KCTD8: variants seen among roughly 807,000 people sequenced by gnomAD.
The protein encoded by KCTD8 is potassium channel tetramerization domain containing 8, also known as BTB/POZ domain-containing protein KCTD8.
KCTD8 carries 27 observed loss-of-function variants against 31.5 expected under a neutral mutation model. That is an observed-to-expected ratio of 0.86 (90% confidence interval 0.63 to 1.18). The LOEUF (loss-of-function observed/expected upper bound fraction) is 1.18, where lower values mean the gene tolerates loss of function less well. Ranked by LOEUF, KCTD8 falls within the 50% of genes most tolerant of loss-of-function variation. The pLI is 0.00. For synonymous variants in KCTD8, 290 were observed against 280.0 expected (o/e 1.04, Z -0.36); for missense variants, 658 against 647.7 (o/e 1.02, Z -0.17).
rs565771737 is a variant in KCTD8 at position 44,232,415 on chromosome 4, C to G, written c.962-57165G>C. Among the ~76,000 whole-genome samples the G allele has an allele frequency of 3.0e-4, 46 of 152,244 alleles. No homozygotes were observed. The East Asian group carries it at 8.3e-3, about 27-fold the overall frequency. On this transcript the variant is annotated intron_variant, in intron 1 of 1. Coordinates refer to ENST00000360029, the MANE Select transcript of KCTD8 (RefSeq NM_198353.3). ...ACTCACTCTTCTGTCCTCTCTTTCCCTAATACCACCCTGTGCCCTTAAGGA... is the reference window on the plus strand; with the variant it reads ...ACTCACTCTTCTGTCCTCTCTTTCCGTAATACCACCCTGTGCCCTTAAGGA...
chr4:44,254,769 T>C (rs1002968362), intron 1 of KCTD8, among the ~76,000 whole-genome samples: 1 of 151,902 alleles, frequency 6.6e-6, no homozygotes, highest in Non-Finnish European at 1.5e-5. Flanking sequence ...TATTTTCCAA[T>C]GTCTTCCAGT....
intron 1 of KCTD8, among the ~76,000 whole-genome samples, chr4:44,370,178 A>G (rs372188175): frequency 6.6e-6 from 1 of 152,200 alleles, no homozygotes. Flanking sequence ...TTATCTTCCA[A>G]TCCTGCTTTC....
At chr4:44,379,925 T>C (rs1720016883) in intron 1 of KCTD8, among the ~76,000 whole-genome samples, 1 of 152,086 alleles carries the variant, frequency 6.6e-6, no homozygotes, top group African/African-American at 2.4e-5. Context: ...CTAATATAGT[T>C]AGGTGTTCTT....
chr4:44,255,761 T>A (rs1715972085), intron 1 of KCTD8, among the ~76,000 whole-genome samples: 1 of 151,936 alleles, frequency 6.6e-6, no homozygotes, highest in South Asian at 2.1e-4. Context: ...ATTCTAGATG[T>A]AAACATAATA....
chr4:44,438,141 GC>G (rs1232256240), intron 1 of KCTD8, among the ~76,000 whole-genome samples: 1 of 152,190 alleles, frequency 6.6e-6, no homozygotes, highest in African/African-American at 2.4e-5. Flanking sequence ...CTGAATGTCT[GC>G]CAGCATCTGC....
intron 1 of KCTD8, among the ~76,000 whole-genome samples, chr4:44,435,015 G>A (rs954602474): frequency 7.9e-5 from 12 of 151,814 alleles, no homozygotes; most frequent in Non-Finnish European, 5.9e-5. Flanking sequence ...TCCAATGACA[G>A]GAGAAAGTTA....
intron 1 of KCTD8, among the ~76,000 whole-genome samples, chr4:44,181,502 C>T (rs1338510557): frequency 2.0e-5 from 3 of 152,182 alleles, no homozygotes; most frequent in East Asian, 1.9e-4. Context: ...CCAGCCTCGG[C>T]CCCCCGAGGC....
intron 1 of KCTD8, among the ~76,000 whole-genome samples, chr4:44,352,816 C>T (rs1719237045): frequency 1.3e-5 from 2 of 151,816 alleles, no homozygotes; most frequent in East Asian, 3.9e-4. Flanking sequence ...CTATCTTCTT[C>T]CACTCCTGAA....
intron 1 of KCTD8, among the ~76,000 whole-genome samples, chr4:44,225,305 AGCT>A (rs1714924111): frequency 6.6e-6 from 1 of 152,236 alleles, no homozygotes; most frequent in Admixed American, 6.5e-5. Context: ...TTGTTTCCAC[AGCT>A]GAAGTCTTGT....
At chr4:44,318,574 T>C (rs917018582) in intron 1 of KCTD8, among the ~76,000 whole-genome samples, 1 of 152,154 alleles carries the variant, frequency 6.6e-6, no homozygotes, top group Non-Finnish European at 1.5e-5. Flanking sequence ...AAAGTGGCTC[T>C]AGATATAGAA....
At chr4:44,231,516 T>C (rs953616413) in intron 1 of KCTD8, among the ~76,000 whole-genome samples, 4 of 152,178 alleles carry the variant, frequency 2.6e-5, no homozygotes, top group African/African-American at 9.7e-5. Flanking sequence ...ATAGTCTTCA[T>C]CCTATTTTCT....
intron 1 of KCTD8, among the ~76,000 whole-genome samples, chr4:44,219,808 T>A (rs1450863375): frequency 6.6e-6 from 1 of 152,204 alleles, no homozygotes; most frequent in Non-Finnish European, 1.5e-5. Flanking sequence ...GGTCATCTTA[T>A]CTGCATAAAA....
chr4:44,329,112 AG>A (rs1718527389), intron 1 of KCTD8, among the ~76,000 whole-genome samples: 5 of 151,878 alleles, frequency 3.3e-5, no homozygotes, highest in Admixed American at 3.3e-4. Flanking sequence ...ATATTACCTT[AG>A]GTCTTGAAAG....
At chr4:44,415,688 C>T (rs1721063305) in intron 1 of KCTD8, among the ~76,000 whole-genome samples, 1 of 152,190 alleles carries the variant, frequency 6.6e-6, no homozygotes, top group Non-Finnish European at 1.5e-5. Context: ...CTGCCATATC[C>T]TTGGCAGTTT....
intron 1 of KCTD8, among the ~76,000 whole-genome samples, chr4:44,442,836 G>T (rs1477349931): frequency 2.0e-5 from 3 of 150,934 alleles, no homozygotes; most frequent in Non-Finnish European, 4.4e-5. Flanking sequence ...ACAAGAGAAA[G>T]AACCTTGTCA....
chr4:44,325,791 G>T (rs1011280573), intron 1 of KCTD8, among the ~76,000 whole-genome samples: 1 of 151,880 alleles, frequency 6.6e-6, no homozygotes, highest in African/African-American at 2.4e-5. Flanking sequence ...TAGCCCTGTA[G>T]AAGGAGGGGT....
rs562575438 is a variant in KCTD8, at chr4:44,375,246, G to C, written c.961+72317C>G. On this transcript the variant is annotated intron_variant, in intron 1 of 1. Coordinates refer to ENST00000360029, the MANE Select transcript of KCTD8 (RefSeq NM_198353.3). ...AAAAGGTGTATGCTGGGAGTGTGAG[G>C]TAAGAAACAAGGAAGACAGAACTCC... 4.6e-5 allele frequency among the ~76,000 whole-genome samples: 7 copies of C among 152,208 alleles called. No homozygotes were observed. In the East Asian group the frequency reaches 1.4e-3, roughly 29 times the overall value.
chr4:44,399,955 C>T (rs1220500585), intron 1 of KCTD8, among the ~76,000 whole-genome samples: 1 of 152,134 alleles, frequency 6.6e-6, no homozygotes, highest in Non-Finnish European at 1.5e-5. Context: ...CTTTGGATTT[C>T]CCTCTACCAT....
At chr4:44,181,371 G>C (rs1010085654) in intron 1 of KCTD8, among the ~76,000 whole-genome samples, 9 of 152,236 alleles carry the variant, frequency 5.9e-5, no homozygotes, top group East Asian at 1.9e-4. Flanking sequence ...TCAGCCTGCC[G>C]AGTGCCTGCG....
Sources: gnomAD v4.1 joint callset for allele counts (sites outside exome capture counted in the v4.1 genomes callset) on GRCh38, gnomAD v4.1.1 for gene constraint, MANE v1.5 for transcripts, NCBI Gene and HGNC (gene_info 2026-07-23, HGNC 2026-07-21) for gene names.